The following SULT1C2 variants were observed in gnomAD, a reference collection of about 807,000 sequenced individuals.
SULT1C2 encodes the protein sulfotransferase 1C2.
Under a neutral mutation model 36.0 loss-of-function variants are expected in SULT1C2, and 27 were observed. The observed-to-expected ratio is 0.75, with a 90% CI of 0.55 to 1.03. SULT1C2 has a LOEUF of 1.03. Ranked by LOEUF, SULT1C2 falls within the 50% of genes least tolerant of loss-of-function variation. The pLI, the probability that SULT1C2 is intolerant of heterozygous loss-of-function variation, is 0.00. For missense variants in SULT1C2, 395 were observed against 359.2 expected, an observed-to-expected ratio of 1.10 and a Z score of -0.80; for synonymous variants, 121 against 116.0, an observed-to-expected ratio of 1.04 and a Z score of -0.27.
intron 3 of SULT1C2, 119 bp from the exon 4 acceptor site, chr2:108,300,719 A>T: frequency 6.9e-7 from 1 of 1,445,126 alleles, no homozygotes; most frequent in Non-Finnish European, 9.2e-7. Context: ...CCCAAAAGAA[A>T]GTCAAGAGAC....
At chr2:108,305,691 T>C (rs763149805) in intron 7 of SULT1C2, 96 bp downstream of exon 7, 4 of 1,455,926 alleles carry the variant, frequency 2.7e-6, no homozygotes, top group Non-Finnish European at 3.8e-6. Context: ...TCCAAGCCAA[T>C]GCATTTCAAC....
chr2:108,298,959 T>C (rs1297214168), intron 3 of SULT1C2: 2 of 154,182 alleles, frequency 1.3e-5, no homozygotes, highest in African/African-American at 2.4e-5. Flanking sequence ...GAAAACAGGA[T>C]TGTGGTTATG....
intron 7 of SULT1C2, among the ~76,000 whole-genome samples, chr2:108,306,439 T>C (rs1359882384): frequency 1.5e-5 from 1 of 67,864 alleles, no homozygotes; most frequent in African/African-American, 9.8e-5. Flanking sequence ...ACCCCATCTC[T>C]ACAAAAAAAA....
chr2:108,301,293 A>C (rs888425207), intron 4 of SULT1C2: 5 of 197,616 alleles, frequency 2.5e-5, no homozygotes, highest in Non-Finnish European at 5.1e-5. Flanking sequence ...AAAAAAGCTA[A>C]AGCTCTCCCC....
At position 108,294,777 on chromosome 2, in the gene SULT1C2, TACACACACAC is replaced by T. The variant is rs149576778; in HGVS notation, c.277+434_277+443del. ...CAAGAATCGATAATTCACACACACA[TACACACACAC>T]ACACACACACCCCATTGCATTTGGA... On this transcript the variant is annotated intron_variant, in intron 3 of 7. Coordinates refer to ENST00000251481, the MANE Select transcript of SULT1C2 (RefSeq NM_001056.4). 3.4e-5 allele frequency among the ~76,000 whole-genome samples: 5 copies of T among 148,302 alleles called. No homozygotes were observed. In the South Asian group the frequency reaches 1.1e-3, roughly 32 times the overall value.
In SULT1C2 at chr2:108,303,785, A is replaced by T. The variant is rs574870339; in HGVS notation, c.376-789A>T. ...ACTTGGCCCCTGCATGGATGCCAGT[A>T]GCACCACTACTCCAAGCTGTGCAAC... On this transcript the variant is annotated intron_variant, in intron 4 of 7. Coordinates refer to ENST00000251481, the MANE Select transcript of SULT1C2 (RefSeq NM_001056.4). The T allele has an allele frequency of 3.5e-4, 53 of 152,364 alleles. 2 individuals carry two copies. Among genetic ancestry groups the T allele is most frequent in the African/African-American group, 1.3e-3 (52 of 41,592 alleles). The allele number at this position is 152,364 out of a possible 1,614,324, so 9.4% of individuals were successfully genotyped here. A position where few individuals can be genotyped will look rare whatever the true frequency, so the allele number is the denominator to read the frequency against.
At position 108,305,187 on chromosome 2, in the gene SULT1C2, G is replaced by A; in HGVS notation, c.518G>A (p.Trp173Ter). 2 of 1,614,162 alleles carry A rather than the reference G, an allele frequency of 1.2e-6. No homozygotes were observed. The highest frequency in any genetic ancestry group is 2.2e-5 in the South Asian group (2 of 91,072). ...FINGKVVWGS[W>*]FDHVKGWWEM... ...TCTATTTCAGTGGTTTGGGGTTCCT[G>A]GTTTGACCACGTGAAAGGATGGTGG... The change falls in exon 6 of 8, where the codon TGG becomes TAG. Residue 173 changes from tryptophan (W) to a stop codon, truncating the protein, a stop_gained. Coordinates refer to ENST00000251481, the MANE Select transcript of SULT1C2 (RefSeq NM_001056.4). LOFTEE classifies it high-confidence loss of function.
intron 1 of SULT1C2, among the ~76,000 whole-genome samples, chr2:108,293,179 CAAAA>C (rs397869118): frequency 9.2e-5 from 5 of 54,076 alleles, no homozygotes; most frequent in Admixed American, 2.5e-4. Context: ...GACTCTGTCT[CAAAA>C]AAAAAAAAAA....
Position 108,293,723 on chromosome 2 carries a change from C to A in SULT1C2, c.56C>A (p.Thr19Asn). 3.7e-6 allele frequency: 6 copies of A among 1,614,044 alleles called. No homozygotes were observed. Among genetic ancestry groups the A allele is most frequent in the Non-Finnish European group, 5.1e-6 (6 of 1,179,988 alleles). The change falls in exon 2 of 8, where the codon ACC becomes AAC. Residue 19 changes from threonine to asparagine, a missense_variant. Transcript: ENST00000251481. ...ATAAAACTGAAAGAGGTGGAGGGGA[C>A]CCTCCTGCAGCCTGCAACTGTGGAC... The part of the protein sequence containing the change: ...KQIKLKEVEG[T>N]LLQPATVDNW...
At chr2:108,301,181 G>C (rs1298071761) in intron 4 of SULT1C2, 1 of 486,366 alleles carries the variant, frequency 2.1e-6, no homozygotes, top group East Asian at 3.4e-5. Context: ...GAGGCAGTGA[G>C]TGCAGTAAGC....
At chr2:108,296,204 G>A (rs1021643111) in intron 3 of SULT1C2, among the ~76,000 whole-genome samples, 1 of 152,198 alleles carries the variant, frequency 6.6e-6, no homozygotes, top group Non-Finnish European at 1.5e-5. Flanking sequence ...GATTTCTAAT[G>A]AAGTATTCTT....
At chr2:108,298,533 A>G (rs977854050) in intron 3 of SULT1C2, 4 of 259,462 alleles carry the variant, frequency 1.5e-5, no homozygotes, top group African/African-American at 9.5e-5. Context: ...GCGTATCACC[A>G]TGCCCAGCTA....
chr2:108,308,810 C>A lies in SULT1C2; in HGVS notation c.*346C>A. The A allele has an allele frequency of 5.4e-6, 1 of 186,286 alleles. No individual in the cohort carries two copies. The highest frequency in any genetic ancestry group is 1.6e-4 in the South Asian group (1 of 6,344). 11.5% of individuals were successfully genotyped at this position (186,286 alleles called of 1,614,324 possible). A position where few individuals can be genotyped will look rare whatever the true frequency, so the allele number is the denominator to read the frequency against. ...ACATCATAATACCTTGAGTATAAGT[C>A]CAAATATTAGGTTATATCTATATTA... On this transcript the variant is annotated 3_prime_UTR_variant, in exon 8 of 8. Transcript: ENST00000251481.
intron 1 of SULT1C2, among the ~76,000 whole-genome samples, chr2:108,290,086 G>A (rs1377149779): frequency 1.3e-5 from 2 of 152,114 alleles, no homozygotes; most frequent in Admixed American, 6.5e-5. Context: ...TTATTCTCAG[G>A]GCATTAGTTC....
At position 108,293,748 on chromosome 2, in the gene SULT1C2, C is replaced by T. The variant is rs551231771; in HGVS notation, c.81C>T (p.Asp27=). 6 of 1,614,100 alleles carry T rather than the reference C, an allele frequency of 3.7e-6. No homozygotes were observed. The highest frequency in any genetic ancestry group is 2.2e-5 in the East Asian group (1 of 44,882). The change falls in exon 2 of 8, where the codon GAC becomes GAT. Residue 27 remains aspartate, a synonymous_variant. Transcript: ENST00000251481. ...CCCTCCTGCAGCCTGCAACTGTGGA[C>T]AACTGGAGCCAGATCCAGAGCTTCG... The part of the protein sequence containing the change: ...EGTLLQPATV[D]NWSQIQSFEA...
chr2:108,292,069 G>GA (rs1676606749), intron 1 of SULT1C2, among the ~76,000 whole-genome samples: 2 of 152,246 alleles, frequency 1.3e-5, no homozygotes, highest in South Asian at 4.2e-4. Flanking sequence ...TCCATTCCAT[G>GA]AAGCAGCTGG....
intron 3 of SULT1C2, chr2:108,299,577 C>T (rs1676821718): frequency 6.6e-6 from 1 of 152,308 alleles, no homozygotes; most frequent in South Asian, 2.1e-4. Flanking sequence ...AGAAAAGAGA[C>T]TAGAGGCAGG....
intron 7 of SULT1C2, among the ~76,000 whole-genome samples, chr2:108,306,357 C>T (rs1024797223): frequency 1.3e-5 from 2 of 152,178 alleles, no homozygotes; most frequent in East Asian, 1.9e-4. Context: ...CATAATCCCA[C>T]GTTTTGGAAA....
rs1677066123 is a variant in SULT1C2, at chr2:108,308,091, C to T, written c.779-261C>T. On this transcript the variant is annotated intron_variant, in intron 7 of 7. Coordinates refer to ENST00000251481, the MANE Select transcript of SULT1C2 (RefSeq NM_001056.4). ...AGTAATCCATCAGGTAAATACACTACAGGTGGGGCCAGGTCATGCAGGCCA... is the reference window on the plus strand; with the variant it reads ...AGTAATCCATCAGGTAAATACACTATAGGTGGGGCCAGGTCATGCAGGCCA... Among the ~76,000 whole-genome samples, 5 of 152,170 alleles carry T rather than the reference C, an allele frequency of 3.3e-5. No homozygotes were observed. The South Asian group carries it at 1.0e-3, about 32-fold the overall frequency.
Sources: gnomAD v4.1 joint callset for allele counts (sites outside exome capture counted in the v4.1 genomes callset) on GRCh38, gnomAD v4.1.1 for gene constraint, MANE v1.5 for transcripts, NCBI Gene and HGNC (gene_info 2026-07-23, HGNC 2026-07-21) for gene names.